Variants in CASP4 observed in about 807,000 individuals in gnomAD.
CASP4 encodes caspase-4.
A neutral mutation model predicts 41.3 loss-of-function variants in CASP4; 29 were observed. The observed-to-expected ratio is 0.70, with a 90% CI of 0.52 to 0.96. The LOEUF (loss-of-function observed/expected upper bound fraction) is 0.96. Among genes scored for constraint, CASP4 ranks in the 40% least tolerant of loss-of-function variants. The pLI, the probability that CASP4 is intolerant of heterozygous loss-of-function variation, is 0.00. For synonymous variants in CASP4, 185 were observed against 158.4 expected (o/e 1.17, Z -1.26); for missense variants, 447 against 460.6 (o/e 0.97, Z 0.27).
intron 2 of CASP4, among the ~76,000 whole-genome samples, chr11:104,954,207 G>A (rs1860681410): frequency 6.6e-6 from 1 of 152,146 alleles, no homozygotes; most frequent in South Asian, 2.1e-4. Flanking sequence ...GTATTGTGAT[G>A]CCAGCAAAAC....
intron 2 of CASP4, among the ~76,000 whole-genome samples, chr11:104,952,296 T>C (rs549891084): frequency 1.3e-5 from 2 of 152,260 alleles, no homozygotes; most frequent in South Asian, 4.1e-4. Flanking sequence ...ATTTGATTTT[T>C]CCAAAGGTTT....
At chr11:104,964,054 G>A (rs988132655) in intron 1 of CASP4, among the ~76,000 whole-genome samples, 9 of 152,042 alleles carry the variant, frequency 5.9e-5, no homozygotes, top group African/African-American at 1.9e-4. Context: ...AAAATTTACT[G>A]TACATTATTA....
intron 1 of CASP4, among the ~76,000 whole-genome samples, chr11:104,956,894 A>G (rs1022630238): frequency 1.3e-5 from 2 of 152,166 alleles, no homozygotes; most frequent in Non-Finnish European, 2.9e-5. Context: ...GAAATATAAT[A>G]AGCAATAAAA....
In CASP4 at chr11:104,951,947, C is replaced by G. The variant is rs748537068; in HGVS notation, c.321G>C (p.Lys107Asn). ...PESGESTDAL[K>N]LCPHEEFLRL... ...TCAGGAATTCTTCATGAGGACAAAG[C>G]TTGAGGGCATCTGTAGATTCTCCTG... Residue 107 changes from lysine to asparagine, a missense_variant, in exon 3 of 9, where the codon AAG becomes AAC. Physicochemically the swap from Lys to Asn is moderately conservative, Grantham distance 94 (BLOSUM62 0). Transcript: ENST00000444739. The G allele has an allele frequency of 5.0e-6, 8 of 1,612,992 alleles. No homozygotes were observed. The highest frequency in any genetic ancestry group is 6.8e-6 in the Non-Finnish European group (8 of 1,179,434).
Position 104,944,835 on chromosome 11 carries a change from T to TCAAATGATTG in CASP4, c.1042_1051dup (p.Glu351AlafsTer4), listed in dbSNP as rs1565362642. 1 of 1,612,382 alleles carries TCAAATGATTG rather than the reference T, an allele frequency of 6.2e-7. No individual in the cohort carries two copies. The highest frequency in any genetic ancestry group is 2.2e-5 in the East Asian group (1 of 44,850). On this transcript the variant is annotated stop_gained and frameshift_variant, in exon 8 of 9. Transcript: ENST00000444739. LOFTEE classifies it high-confidence loss of function. ...CATTTGAGCTTTGGCCCTTGGAGTT[T>TCAAATGATTG]CAAATGATTGCTGTACCTGAAAAAG...
intron 1 of CASP4, among the ~76,000 whole-genome samples, chr11:104,967,284 T>C (rs1462359455): frequency 1.3e-5 from 2 of 152,178 alleles, no homozygotes; most frequent in East Asian, 3.9e-4. Context: ...TTAAATGTTG[T>C]GAAGTTAGAC....
intron 1 of CASP4, among the ~76,000 whole-genome samples, chr11:104,964,983 G>C (rs937736811): frequency 6.6e-6 from 1 of 152,148 alleles, no homozygotes; most frequent in African/African-American, 2.4e-5. Flanking sequence ...GCTTATTTTG[G>C]TAAACAGATT....
chr11:104,949,705 G>A lies in CASP4; in HGVS notation c.619C>T (p.Leu207Phe). ...CCCTCCAGGATGCCATGAGACATGAGTACCAAGAATGTGCTGTCAGAGGAC... is the reference window on the plus strand; with the variant it reads ...CCCTCCAGGATGCCATGAGACATGAATACCAAGAATGTGCTGTCAGAGGAC... ...HKSSDSTFLV[L>F]MSHGILEGIC... is the part of the protein sequence containing the mutation. The change falls in exon 5 of 9, where the codon CTC becomes TTC. Residue 207 changes from leucine to phenylalanine, a missense_variant. Coordinates refer to ENST00000444739, the MANE Select transcript of CASP4 (RefSeq NM_001225.4). The A allele has an allele frequency of 6.2e-7, 1 of 1,613,926 alleles. No individual in the cohort carries two copies. The highest frequency in any genetic ancestry group is 8.5e-7 in the Non-Finnish European group (1 of 1,179,910).
At position 104,948,572 on chromosome 11, in the gene CASP4, CGTGGGT is replaced by C. The variant is rs774559573; in HGVS notation, c.880_885del (p.Thr294_His295del). The C allele has an allele frequency of 6.2e-7, 1 of 1,610,948 alleles. No homozygotes were observed. The highest frequency in any genetic ancestry group is 1.7e-5 in the Admixed American group (1 of 59,844). ...CAGAAAGCAATGAAGTCCTTCTCCA[CGTGGGT>C]CTTGTAAACAGCATCTTCCTCTAGG... On this transcript the variant is annotated inframe_deletion, in exon 6 of 9. Coordinates refer to ENST00000444739, the MANE Select transcript of CASP4 (RefSeq NM_001225.4).
intron 3 of CASP4, chr11:104,951,672 A>T (rs1469377695): frequency 3.5e-6 from 2 of 572,176 alleles, no homozygotes; most frequent in Non-Finnish European, 6.3e-6. Flanking sequence ...GAGCAATAGA[A>T]ATACCAATTT....
intron 1 of CASP4, among the ~76,000 whole-genome samples, chr11:104,960,531 G>A (rs758548405): frequency 2.2e-4 from 33 of 152,046 alleles, no homozygotes; most frequent in Non-Finnish European, 4.0e-4. Flanking sequence ...GTGCAGTGGT[G>A]CTATCTTGGC....
chr11:104,951,988 C>G lies in CASP4; in HGVS notation c.280G>C (p.Ala94Pro). ...PNKKAHPNME[A>P]GPPESGESTD... ...GATTCTCCTGACTCAGGTGGTCCAG[C>G]CTCCATATTCGGATGAGCTGCAGGA... The change falls in exon 3 of 9, where the codon GCT becomes CCT. Residue 94 changes from alanine (A) to proline (P), a missense_variant. Transcript: ENST00000444739. The G allele has an allele frequency of 1.2e-6, 2 of 1,610,750 alleles. No homozygotes were observed. Among genetic ancestry groups the G allele is most frequent in the Non-Finnish European group, 1.7e-6 (2 of 1,177,670 alleles).
intron 5 of CASP4, 67 bp from the exon 6 acceptor site, chr11:104,948,743 C>A: frequency 6.9e-7 from 1 of 1,443,374 alleles, no homozygotes; most frequent in South Asian, 1.5e-5. Flanking sequence ...AGTTGCCCAC[C>A]TTGTTCTTTT....
chr11:104,951,151 C>T (rs1860603059), intron 3 of CASP4, 53 bp from the exon 4 acceptor site: 38 of 1,510,534 alleles, frequency 2.5e-5, no homozygotes, highest in Non-Finnish European at 3.4e-5. Context: ...TCCTTTCAGC[C>T]TCCTTATGCC....
chr11:104,965,227 A>G (rs911315601), intron 1 of CASP4, among the ~76,000 whole-genome samples: 6 of 152,168 alleles, frequency 3.9e-5, no homozygotes, highest in Non-Finnish European at 8.8e-5. Flanking sequence ...ACCTTACAGG[A>G]GGCTGTTGGC....
At chr11:104,956,607 G>A in intron 1 of CASP4, 1 of 975,798 alleles carries the variant, frequency 1.0e-6, no homozygotes, top group Non-Finnish European at 1.2e-6. Context: ...CTGACAGTTG[G>A]TGAAGAGCTT....
At position 104,947,150 on chromosome 11, in the gene CASP4, A is replaced by C. The variant is rs144900642; in HGVS notation, c.968T>G (p.Ile323Ser). The C allele has an allele frequency of 6.2e-7, 1 of 1,612,966 alleles. No individual in the cohort carries two copies. Among genetic ancestry groups the C allele is most frequent in the Non-Finnish European group, 8.5e-7 (1 of 1,179,238 alleles). ...WRDSTMGSIF[I>S]TQLITCFQKY... Reference sequence around the variant, plus strand: ...CTGGAAGCATGTGATGAGTTGTGTGATGAAGATAGAGCCCATTGTGCTGTC... The same window carrying C: ...CTGGAAGCATGTGATGAGTTGTGTGCTGAAGATAGAGCCCATTGTGCTGTC... The change falls in exon 7 of 9, where the codon ATC becomes AGC. Residue 323 changes from isoleucine to serine, a missense_variant. Transcript: ENST00000444739.
chr11:104,949,432 CTTTA>C (rs1860548777), intron 5 of CASP4, 107 bp downstream of exon 5: 1 of 1,153,756 alleles, frequency 8.7e-7, no homozygotes, highest in Non-Finnish European at 1.3e-6. Context: ...ATTCAATGTA[CTTTA>C]TTTACACTGG....
intron 3 of CASP4, 172 bp from the exon 4 acceptor site, chr11:104,951,270 T>C (rs1860606383): frequency 4.0e-6 from 2 of 494,614 alleles, no homozygotes; most frequent in Non-Finnish European, 3.5e-6. Flanking sequence ...ACCGGACATA[T>C]CTGAAATTGT....
Sources: gnomAD v4.1 joint callset for allele counts (sites outside exome capture counted in the v4.1 genomes callset) on GRCh38, gnomAD v4.1.1 for gene constraint, MANE v1.5 for transcripts, NCBI Gene and HGNC (gene_info 2026-07-23, HGNC 2026-07-21) for gene names.